The following ASXL3 variants were observed in gnomAD, a reference collection of about 807,000 sequenced individuals.
The protein encoded by ASXL3 is ASXL transcriptional regulator 3, also known as putative Polycomb group protein ASXL3.
In ASXL3, 34 loss-of-function variants were observed where a neutral mutation model predicts 170.6. The ratio of observed to expected loss-of-function variants is 0.20; its 90% confidence interval spans 0.15 to 0.27. ASXL3 has a LOEUF of 0.27. Among genes scored for constraint, ASXL3 ranks in the 10% least tolerant of loss-of-function variants. The probability of loss-of-function intolerance (pLI) is 1.00; values close to 1 mark genes in which losing one functional copy is unlikely to be tolerated. For missense variants in ASXL3, 2,592 were observed against 2,695.3 expected, an observed-to-expected ratio of 0.96 and a Z score of 0.85; for synonymous variants, 1,002 against 989.1, an observed-to-expected ratio of 1.01 and a Z score of -0.24.
At chr18:33,699,692 T>G (rs1332772426) in intron 8 of ASXL3, among the ~76,000 whole-genome samples, 2 of 152,068 alleles carry the variant, frequency 1.3e-5, no homozygotes, top group Non-Finnish European at 2.9e-5. Flanking sequence ...AAATGGAACG[T>G]GTGCAATGGA....
chr18:33,709,977 C>T (rs1345168959), intron 8 of ASXL3, among the ~76,000 whole-genome samples: 5 of 152,086 alleles, frequency 3.3e-5, no homozygotes, highest in Admixed American at 1.3e-4. Flanking sequence ...ACTGATGGGC[C>T]GGGTGCGGTG....
Position 33,589,180 on chromosome 18 carries a change from ATC to A in ASXL3, c.54+10500_54+10501del, listed in dbSNP as rs2065057979. Among the ~76,000 whole-genome samples the A allele has an allele frequency of 2.6e-5, 4 of 152,332 alleles. 1 individual carries two copies. In the South Asian group the frequency reaches 8.3e-4, roughly 32 times the overall value. On this transcript the variant is annotated intron_variant, in intron 1 of 11. Coordinates refer to ENST00000269197, the MANE Select transcript of ASXL3 (RefSeq NM_030632.3). ...TTTGACCTTGAGAAAGTTACATAAC[ATC>A]TCTCAATTTTATTTCTATTGTTTAA...
intron 2 of ASXL3, among the ~76,000 whole-genome samples, chr18:33,624,580 A>C (rs1365109912): frequency 6.6e-6 from 1 of 152,138 alleles, no homozygotes. Context: ...AAGTGTTAAC[A>C]GTAGTATCCC....
At chr18:33,694,930 A>C (rs562256894) in intron 8 of ASXL3, among the ~76,000 whole-genome samples, 1 of 152,270 alleles carries the variant, frequency 6.6e-6, no homozygotes, top group African/African-American at 2.4e-5. Context: ...AATGTGATTT[A>C]TTGATTTCTG....
At chr18:33,654,363 T>C (rs567850732) in intron 4 of ASXL3, among the ~76,000 whole-genome samples, 210 of 152,178 alleles carry the variant, frequency 1.4e-3, no homozygotes, top group Non-Finnish European at 2.6e-3. Context: ...AAAACACTCA[T>C]GTTCTTTAAA....
intron 8 of ASXL3, among the ~76,000 whole-genome samples, chr18:33,687,899 C>T (rs1479084058): frequency 2.0e-5 from 3 of 152,078 alleles, no homozygotes; most frequent in African/African-American, 7.2e-5. Flanking sequence ...TTTGGGTGGG[C>T]TTCTTGTTCT....
rs751793590 is a variant in ASXL3 at position 33,745,979 on chromosome 18, C to G, written c.6131C>G (p.Pro2044Arg). The change falls in exon 12 of 12, where the codon CCT becomes CGT. Residue 2044 changes from proline to arginine, a missense_variant. This residue lies in a region of ASXL3 where 2,246 missense variants were observed against 2,219.6 expected (regional missense o/e 1.01). Transcript: ENST00000269197. ...CCCCCACCACCTCCGCTACCTCCAC[C>G]TCTCCCTAATGCAGAAGTCCCATCT... ...PPPPPPPLPP[P>R]LPNAEVPSDQ... 1 of 1,600,960 alleles carries G rather than the reference C, an allele frequency of 6.2e-7. No homozygotes were observed. The highest frequency in any genetic ancestry group is 8.5e-7 in the Non-Finnish European group (1 of 1,175,622).
intron 8 of ASXL3, among the ~76,000 whole-genome samples, chr18:33,705,368 T>G (rs2066939690): frequency 6.6e-6 from 1 of 151,348 alleles, no homozygotes; most frequent in Non-Finnish European, 1.5e-5. Context: ...TTTTTTGTTT[T>G]TTTTTTTAAT....
In ASXL3 at chr18:33,744,002, T is replaced by A. The variant is rs1246712981; in HGVS notation, c.4154T>A (p.Val1385Glu). ...AIPGSEEQAT[V>E]SMGTTVRAAL... ...CCTGGGAGTGAAGAACAGGCCACTG[T>A]ATCCATGGGTACCACTGTGAGAGCA... Residue 1385 changes from valine (V) to glutamate (E), a missense_variant, in exon 12 of 12, where the codon GTA becomes GAA. Around this residue, in one of 4 missense-constraint regions of ASXL3, gnomAD observed 2,246 missense variants for 2,219.6 expected, o/e 1.01. Transcript: ENST00000269197. 6.2e-7 allele frequency: 1 copy of A among 1,614,036 alleles called. No homozygotes were observed. The highest frequency in any genetic ancestry group is 8.5e-7 in the Non-Finnish European group (1 of 1,179,888).
intron 1 of ASXL3, among the ~76,000 whole-genome samples, chr18:33,586,456 A>G (rs2065035491): frequency 6.6e-6 from 1 of 151,890 alleles, no homozygotes; most frequent in Non-Finnish European, 1.5e-5. Context: ...AAATTGTTGT[A>G]ATATTTTTCT....
At chr18:33,723,934 A>G (rs1379421011) in intron 8 of ASXL3, among the ~76,000 whole-genome samples, 2 of 152,164 alleles carry the variant, frequency 1.3e-5, no homozygotes, top group African/African-American at 4.8e-5. Context: ...ACTCACTGAA[A>G]GCTCAGATTA....
intron 2 of ASXL3, among the ~76,000 whole-genome samples, chr18:33,609,696 C>T (rs2145128045): frequency 6.6e-6 from 1 of 152,102 alleles, no homozygotes; most frequent in South Asian, 2.1e-4. Flanking sequence ...CACTACATCA[C>T]TATTTGTCCT....
chr18:33,735,425 GAT>G (rs929791719), intron 10 of ASXL3, among the ~76,000 whole-genome samples: 21 of 152,088 alleles, frequency 1.4e-4, no homozygotes, highest in African/African-American at 4.8e-4. Context: ...GCTGTGCCAG[GAT>G]ATATATATTT....
chr18:33,641,570 A>G (rs532560178), intron 2 of ASXL3, among the ~76,000 whole-genome samples: 29 of 152,192 alleles, frequency 1.9e-4, no homozygotes, highest in Non-Finnish European at 3.1e-4. Flanking sequence ...AACAAAATGA[A>G]AACATCGTAG....
intron 8 of ASXL3, among the ~76,000 whole-genome samples, chr18:33,696,830 G>T (rs1159368013): frequency 2.6e-5 from 4 of 152,150 alleles, no homozygotes; most frequent in African/African-American, 7.2e-5. Flanking sequence ...CCAAAGGAAG[G>T]CTCAGCCTCA....
intron 7 of ASXL3, among the ~76,000 whole-genome samples, chr18:33,672,516 AT>A (rs2145258122): frequency 6.6e-6 from 1 of 152,312 alleles, no homozygotes; most frequent in East Asian, 1.9e-4. Context: ...AAATAAACAT[AT>A]CCTGGTTTGA....
chr18:33,586,226 T>C lies in ASXL3; in HGVS notation c.54+7541T>C, dbSNP rs541318693. ...ATTCTCCATTTTTTTAATGTCAAAA[T>C]AAATTACTACATATGTAATCTTTAC... On this transcript the variant is annotated intron_variant, in intron 1 of 11. Coordinates refer to ENST00000269197, the MANE Select transcript of ASXL3 (RefSeq NM_030632.3). 2.0e-5 allele frequency among the ~76,000 whole-genome samples: 3 copies of C among 152,226 alleles called. No homozygotes were observed. The East Asian group carries it at 5.8e-4, about 29-fold the overall frequency.
At chr18:33,629,379 T>G (rs943952302) in intron 2 of ASXL3, among the ~76,000 whole-genome samples, 1 of 152,112 alleles carries the variant, frequency 6.6e-6, no homozygotes, top group Non-Finnish European at 1.5e-5. Context: ...ATAAGATGCT[T>G]GCCAAATGGC....
chr18:33,627,572 C>T (rs1219366977), intron 2 of ASXL3, among the ~76,000 whole-genome samples: 1 of 152,112 alleles, frequency 6.6e-6, no homozygotes, highest in Non-Finnish European at 1.5e-5. Context: ...CTTGTTCACT[C>T]TTTTCCTTGG....
Sources: allele counts gnomAD v4.1 joint callset (sites outside exome capture counted in the v4.1 genomes callset), GRCh38; gene constraint gnomAD v4.1.1; regional missense constraint gnomAD v4.1.1; transcripts MANE v1.5; gene names NCBI Gene and HGNC (gene_info 2026-07-23, HGNC 2026-07-21).